Variants in DEF6 observed in about 807,000 individuals in gnomAD.
DEF6 encodes the protein DEF6 guanine nucleotide exchange factor, also known as differentially expressed in FDCP 6 homolog.
Under a neutral mutation model 80.5 loss-of-function variants are expected in DEF6, and 32 were observed. The observed-to-expected ratio is 0.40, with a 90% CI of 0.30 to 0.53. The LOEUF is 0.53. Ranked by LOEUF, DEF6 falls within the 20% of genes least tolerant of loss-of-function variation. The pLI is 0.57. For synonymous variants in DEF6, 300 were observed against 337.9 expected, an observed-to-expected ratio of 0.89 and a Z score of 1.23; for missense variants, 575 against 818.7, an observed-to-expected ratio of 0.70 and a Z score of 3.63.
intron 5 of DEF6, among the ~76,000 whole-genome samples, chr6:35,315,399 G>A (rs368602640): frequency 5.3e-5 from 8 of 152,128 alleles, no homozygotes; most frequent in Admixed American, 3.9e-4. Flanking sequence ...CTCCAGCTTC[G>A]TTCTTTTTAC....
chr6:35,304,189 C>T (rs750538370), intron 1 of DEF6, among the ~76,000 whole-genome samples: 34 of 152,206 alleles, frequency 2.2e-4, no homozygotes, highest in Admixed American at 1.1e-3. Flanking sequence ...GGTGTGATGG[C>T]GCACGCCTAC....
chr6:35,312,476 G>A lies in DEF6; in HGVS notation c.598G>A (p.Asp200Asn). 6.2e-7 allele frequency: 1 copy of A among 1,614,170 alleles called. No homozygotes were observed. Among genetic ancestry groups the A allele is most frequent in the Non-Finnish European group, 8.5e-7 (1 of 1,180,040 alleles). Residue 200 changes from aspartate (D) to asparagine (N), a missense_variant, in exon 4 of 11, where the codon GAC becomes AAC. By Grantham distance (23) the Asp-to-Asn change is conservative. Coordinates refer to ENST00000316637, the MANE Select transcript of DEF6 (RefSeq NM_022047.4). This position sits in a 1 kb window ranked among gnomAD's most constrained non-coding sequence, Gnocchi z 6.6. The part of the protein sequence containing the change: ...SGRCLRGVGR[D>N]TLSMAIHEVY... ...CCGCTGCCTGCGGGGCGTGGGCCGGGACACCCTCAGCATGGCCATCCACGA... is the reference window on the plus strand; with the variant it reads ...CCGCTGCCTGCGGGGCGTGGGCCGGAACACCCTCAGCATGGCCATCCACGA...
At position 35,320,751 on chromosome 6, in the gene DEF6, A is replaced by G. The variant is rs1255586717; in HGVS notation, c.1582-133A>G. On this transcript the variant is annotated intron_variant, in intron 9 of 10. Transcript: ENST00000316637. ...TGTATGTATTAATAACTCTATGAGC[A>G]TATATGGTTTTTCTCTGGGGAGATG... 3 of 710,984 alleles carry G rather than the reference A, an allele frequency of 4.2e-6. No homozygotes were observed. The African/African-American group carries it at 5.3e-5, about 13-fold the overall frequency. The allele number at this position is 710,984 out of a possible 1,614,324, so 44.0% of individuals were successfully genotyped here.
At chr6:35,320,334 G>T (rs1791575505) in intron 9 of DEF6, among the ~76,000 whole-genome samples, 2 of 152,172 alleles carry the variant, frequency 1.3e-5, no homozygotes, top group African/African-American at 2.4e-5. Flanking sequence ...CCCCTGTCTT[G>T]CTATCCTTGT....
chr6:35,312,616 C>T lies in DEF6; in HGVS notation c.661-10C>T, dbSNP rs778668461. On this transcript the variant is annotated splice_polypyrimidine_tract_variant and intron_variant, in intron 4 of 10. Transcript: ENST00000316637. This position sits in a 1 kb window ranked among gnomAD's most constrained non-coding sequence, Gnocchi z 6.6. ...GCCTGGGAAGCCTCTGACGTAACTCCGGCTGGCAGGGCTACCTGTGGAAGC... is the reference window on the plus strand; with the variant it reads ...GCCTGGGAAGCCTCTGACGTAACTCTGGCTGGCAGGGCTACCTGTGGAAGC... 19 of 1,614,062 alleles carry T rather than the reference C, an allele frequency of 1.2e-5. No individual in the cohort carries two copies. Among genetic ancestry groups the T allele is most frequent in the Middle Eastern group, 1.6e-4 (1 of 6,084 alleles).
At chr6:35,320,361 T>G (rs1791576166) in intron 9 of DEF6, among the ~76,000 whole-genome samples, 1 of 152,212 alleles carries the variant, frequency 6.6e-6, no homozygotes, top group Admixed American at 6.5e-5. Flanking sequence ...GCTCTACTCC[T>G]TGGAGCTTTA....
intron 1 of DEF6, among the ~76,000 whole-genome samples, chr6:35,302,787 C>G (rs1279877028): frequency 6.6e-6 from 1 of 152,186 alleles, no homozygotes; most frequent in African/African-American, 2.4e-5. Flanking sequence ...GGGCATGTTT[C>G]AGTTTCACCA....
intron 1 of DEF6, among the ~76,000 whole-genome samples, chr6:35,304,456 G>T (rs894828610): frequency 9.2e-5 from 14 of 152,352 alleles, no homozygotes; most frequent in South Asian, 6.2e-4. Flanking sequence ...ATTCCAGGCT[G>T]CAGGAACAGT....
intron 1 of DEF6, among the ~76,000 whole-genome samples, chr6:35,305,661 C>A (rs1467968764): frequency 6.6e-6 from 1 of 151,926 alleles, no homozygotes; most frequent in African/African-American, 2.4e-5. Context: ...TCAACCGCCA[C>A]CTCCCAGGTT....
At chr6:35,303,772 G>A (rs1352335560) in intron 1 of DEF6, among the ~76,000 whole-genome samples, 5 of 152,126 alleles carry the variant, frequency 3.3e-5, no homozygotes, top group South Asian at 2.1e-4. Flanking sequence ...TGAGGCGGGT[G>A]GATCGCTTCA....
Position 35,319,727 on chromosome 6 carries a change from C to T in DEF6, c.1382+37C>T. The stretch of plus-strand genomic sequence containing the variant: ...GAACCTCTTCTGGTTCTCTCACCAC[C>T]CCTCCTGGAACACACCCCAGTTTTC... On this transcript the variant is annotated intron_variant, in intron 8 of 10. Coordinates refer to ENST00000316637, the MANE Select transcript of DEF6 (RefSeq NM_022047.4). The surrounding 1 kb of genome is among the most constrained non-coding windows in gnomAD (Gnocchi z 4.5). 1.2e-6 allele frequency: 2 copies of T among 1,607,784 alleles called. No individual in the cohort carries two copies. The highest frequency in any genetic ancestry group is 1.7e-6 in the Non-Finnish European group (2 of 1,175,502).
rs145068366 is a variant in DEF6, at chr6:35,316,069, G to A, written c.808-1822G>A. The A allele has an allele frequency of 5.2e-3, 860 of 163,894 alleles. 5 individuals are homozygous for A. Among genetic ancestry groups the A allele is most frequent in the African/African-American group, 0.015 (601 of 40,754 alleles). The allele number at this position is 163,894 out of a possible 1,614,324, so 10.2% of individuals were successfully genotyped here. ...TTTTTAGTAGAGACAGCATTTCACC[G>A]TGTTGGCCAGGCTGGTCTCAAACTC... On this transcript the variant is annotated intron_variant, in intron 5 of 10. Transcript: ENST00000316637.
At chr6:35,317,274 C>G (rs1013926403) in intron 5 of DEF6, among the ~76,000 whole-genome samples, 1 of 152,206 alleles carries the variant, frequency 6.6e-6, no homozygotes, top group South Asian at 2.1e-4. Context: ...AATCCTGGAG[C>G]TCTTAGTGCC....
Position 35,321,269 on chromosome 6 carries a change from G to T in DEF6, c.1755G>T (p.Leu585=), listed in dbSNP as rs745614254. The T allele has an allele frequency of 9.3e-6, 15 of 1,613,772 alleles. No individual in the cohort carries two copies. The Admixed American group carries it at 2.5e-4, about 27-fold the overall frequency. ...LAHRDSSLKR[L]TRWGSQGNRT... ...ACCGTGACTCCTCCCTAAAGCGCCTGACCCGCTGGGGATCCCAGGGCAACA... is the reference window on the plus strand; with the variant it reads ...ACCGTGACTCCTCCCTAAAGCGCCTTACCCGCTGGGGATCCCAGGGCAACA... The change falls in exon 11 of 11, where the codon CTG becomes CTT. Residue 585 remains leucine, a synonymous_variant. Coordinates refer to ENST00000316637, the MANE Select transcript of DEF6 (RefSeq NM_022047.4).
chr6:35,315,692 A>G (rs936465151), intron 5 of DEF6, among the ~76,000 whole-genome samples: 1 of 151,952 alleles, frequency 6.6e-6, no homozygotes, highest in Non-Finnish European at 1.5e-5. Context: ...GGTATTTTAC[A>G]TTCTTTGTAG....
chr6:35,297,958 G>A lies in DEF6; in HGVS notation c.96+6G>A, dbSNP rs1791260441. On this transcript the variant is annotated splice_donor_region_variant and intron_variant, in intron 1 of 10. Transcript: ENST00000316637. Reference sequence around the variant, plus strand: ...TCTCCAAGTCCCAGCTCAAGGTGAGGGGCACCCGGGACCCGGGGGAGGACG... The same window carrying A: ...TCTCCAAGTCCCAGCTCAAGGTGAGAGGCACCCGGGACCCGGGGGAGGACG... 1.3e-6 allele frequency: 2 copies of A among 1,589,830 alleles called. No homozygotes were observed. Among genetic ancestry groups the A allele is most frequent in the Middle Eastern group, 1.7e-4 (1 of 6,052 alleles).
rs750771568 is a variant in DEF6, at chr6:35,320,870, C to T, written c.1582-14C>T. On this transcript the variant is annotated splice_polypyrimidine_tract_variant and intron_variant, in intron 9 of 10. Coordinates refer to ENST00000316637, the MANE Select transcript of DEF6 (RefSeq NM_022047.4). ...GATGGTTCTGATCACTCCCCACTGG[C>T]CCTGTCCCCACAGGCTGCCCAGAGA... 6.3e-7 allele frequency: 1 copy of T among 1,599,770 alleles called. No individual in the cohort carries two copies. Among genetic ancestry groups the T allele is most frequent in the Non-Finnish European group, 8.5e-7 (1 of 1,171,966 alleles).
At position 35,318,484 on chromosome 6, in the gene DEF6, C is replaced by A. The variant is rs1350227944; in HGVS notation, c.1215+13C>A. ...CGAGGCGGAGCAGGTGGGGTTAGCTCCCGGCGCCGGGGACGGGACCGGTGG... is the reference window on the plus strand; with the variant it reads ...CGAGGCGGAGCAGGTGGGGTTAGCTACCGGCGCCGGGGACGGGACCGGTGG... On this transcript the variant is annotated intron_variant, in intron 7 of 10. Coordinates refer to ENST00000316637, the MANE Select transcript of DEF6 (RefSeq NM_022047.4). This position sits in a 1 kb window ranked among gnomAD's most constrained non-coding sequence, Gnocchi z 5.1. The A allele has an allele frequency of 7.2e-7, 1 of 1,385,188 alleles. No homozygotes were observed. Among genetic ancestry groups the A allele is most frequent in the South Asian group, 1.6e-5 (1 of 61,186 alleles). The allele number at this position is 1,385,188 out of a possible 1,614,324, so 85.8% of individuals were successfully genotyped here.
In DEF6 at chr6:35,310,548, G is replaced by A. The variant is rs1190995118; in HGVS notation, c.327G>A (p.Gly109=). The A allele has an allele frequency of 6.2e-7, 1 of 1,614,054 alleles. No individual in the cohort carries two copies. Among genetic ancestry groups the A allele is most frequent in the Admixed American group, 1.7e-5 (1 of 60,000 alleles). The change falls in exon 3 of 11, where the codon GGG becomes GGA. Residue 109 remains glycine, a synonymous_variant. Transcript: ENST00000316637. ...AKKNYRADSN[G]NSMLSNQDAF... is the part of the protein sequence containing the mutation. ...AGAACTATCGGGCAGATAGCAACGG[G>A]AACAGTATGCTCTCCAATCAGGATG...
Sources: allele counts gnomAD v4.1 joint callset (sites outside exome capture counted in the v4.1 genomes callset), GRCh38; gene constraint gnomAD v4.1.1; non-coding constraint Gnocchi (gnomAD v3.1); transcripts MANE v1.5; gene names NCBI Gene and HGNC (gene_info 2026-07-23, HGNC 2026-07-21).